TMEM101: variants seen among roughly 807,000 people sequenced by gnomAD.
TMEM101 encodes the protein transmembrane protein 101.
In TMEM101, 14 loss-of-function variants were observed where a neutral mutation model predicts 26.0. The observed-to-expected ratio is 0.54, with a 90% CI of 0.36 to 0.84. The LOEUF is 0.84. Ranked by LOEUF, TMEM101 falls within the 40% of genes least tolerant of loss-of-function variation. The probability of loss-of-function intolerance (pLI) is 0.01; values close to 1 mark genes in which losing one functional copy is unlikely to be tolerated. For synonymous variants in TMEM101, 152 were observed against 145.1 expected (o/e 1.05, Z -0.34); for missense variants, 292 against 345.1 (o/e 0.85, Z 1.22).
At chr17:44,016,963 T>C (rs925022323), upstream of TMEM101, among the ~76,000 whole-genome samples, 8 of 151,664 alleles carry the variant, frequency 5.3e-5, no homozygotes, top group Admixed American at 1.3e-4. Flanking sequence ...TGAAACCCCG[T>C]CTCTACTAAA....
rs1275022859 is a variant in TMEM101, at chr17:44,013,111, A to C, written c.363T>G (p.Leu121=). ...SRTVAIIGGF[L]VLASGAGELY... ...GCTCCCCAGCACCGCTGGCCAACACAAGAAAGCCGCCGATGATGGCAACTG... is the reference window on the plus strand; with the variant it reads ...GCTCCCCAGCACCGCTGGCCAACACCAGAAAGCCGCCGATGATGGCAACTG... Residue 121 remains leucine (L), a synonymous_variant, in exon 3 of 4, where the codon CTT becomes CTG. Transcript: ENST00000206380. 3.7e-6 allele frequency: 6 copies of C among 1,607,150 alleles called. No homozygotes were observed. In the African/African-American group the frequency reaches 8.0e-5, roughly 21 times the overall value.
upstream of TMEM101, among the ~76,000 whole-genome samples, chr17:44,016,429 C>T (rs921491918): frequency 2.6e-5 from 4 of 152,156 alleles, no homozygotes. Context: ...CCTTGGCCTC[C>T]CAAAGCGCTA....
chr17:44,021,720 C>T (rs1184562828), intron 1 of TMEM101, among the ~76,000 whole-genome samples: 2 of 152,320 alleles, frequency 1.3e-5, no homozygotes, highest in East Asian at 3.9e-4. Flanking sequence ...TCATCAGAAC[C>T]GGTGAGTTTT....
At chr17:44,019,653 G>C (rs770184635), upstream of TMEM101, among the ~76,000 whole-genome samples, 15 of 152,284 alleles carry the variant, frequency 9.9e-5, no homozygotes, top group Middle Eastern at 3.4e-3. Flanking sequence ...GGTGACCATT[G>C]TTTGTGTCCA....
At chr17:44,012,429 T>C (rs986179804) in intron 3 of TMEM101, 193 bp from the exon 4 acceptor site, 12 of 599,108 alleles carry the variant, frequency 2.0e-5, no homozygotes, top group Non-Finnish European at 3.2e-5. Flanking sequence ...TTAGGGCCCA[T>C]GTCTCCCCTC....
intron 2 of TMEM101, 63 bp downstream of exon 2, chr17:44,014,294 G>T: frequency 6.6e-7 from 1 of 1,511,284 alleles, no homozygotes. Flanking sequence ...CAACAGCCCT[G>T]GGCATTGGCC....
In TMEM101 at chr17:44,014,890, C is replaced by A. The variant is rs377249486; in HGVS notation, c.63G>T (p.Val21=). The change falls in exon 1 of 4, where the codon GTG becomes GTT. Residue 21 remains valine (V), a synonymous_variant. Coordinates refer to ENST00000206380, the MANE Select transcript of TMEM101 (RefSeq NM_032376.4). ...CCCAAAAGGGGCAGCGTGTGAGCAG[C>A]ACCGAACCCAACTGCATGATCAGCT... ...MLQLIMQLGS[V]LLTRCPFWGC... The A allele has an allele frequency of 3.7e-6, 6 of 1,614,110 alleles. No individual in the cohort carries two copies. The South Asian group carries it at 6.6e-5, about 18-fold the overall frequency.
chr17:44,011,742 C>T lies in TMEM101; in HGVS notation c.*186G>A, dbSNP rs2049159790. On this transcript the variant is annotated 3_prime_UTR_variant, in exon 4 of 4. Coordinates refer to ENST00000206380, the MANE Select transcript of TMEM101 (RefSeq NM_032376.4). ...ATTAGTGCCAGGGCTCCTGCCCTCC[C>T]AAGCGCTGAGCCCAGAAATTTGGAC... The T allele has an allele frequency of 1.5e-6, 1 of 650,380 alleles. No homozygotes were observed. The allele number at this position is 650,380 out of a possible 1,614,324, so 40.3% of individuals were successfully genotyped here.
chr17:44,011,573 C>T lies in TMEM101; in HGVS notation c.*355G>A. On this transcript the variant is annotated 3_prime_UTR_variant, in exon 4 of 4. Transcript: ENST00000206380. Reference sequence around the variant, plus strand: ...AGGAATTTTTCACATTTGCTCACTTCCAATCTCCATCTTCCTTCCTCTGTC... The same window carrying T: ...AGGAATTTTTCACATTTGCTCACTTTCAATCTCCATCTTCCTTCCTCTGTC... The T allele has an allele frequency of 3.4e-6, 1 of 291,402 alleles. No homozygotes were observed. Among genetic ancestry groups the T allele is most frequent in the South Asian group, 4.5e-5 (1 of 22,256 alleles). 18.1% of individuals were successfully genotyped at this position (291,402 alleles called of 1,614,324 possible). A position where few individuals can be genotyped will look rare whatever the true frequency, so the allele number is the denominator to read the frequency against.
At chr17:44,016,486 G>A (rs1055143801), upstream of TMEM101, among the ~76,000 whole-genome samples, 1 of 152,096 alleles carries the variant, frequency 6.6e-6, no homozygotes, top group Non-Finnish European at 1.5e-5. Flanking sequence ...ATTTGTGATT[G>A]TTTTATTGAC....
chr17:44,011,939 T>C lies in TMEM101; in HGVS notation c.763A>G (p.Thr255Ala), dbSNP rs777510963. ...TCTTGCCATAAAACTCAGCCATCAG[T>C]GGCCAGGATGACAGCAGTTCCGAAG... ...GIFGTAVILA[T>A]DG Residue 255 changes from threonine (T) to alanine (A), a missense_variant, in exon 4 of 4, where the codon ACT becomes GCT. This residue lies in a region of TMEM101 where 149 missense variants were observed against 211.9 expected (regional missense o/e 0.70). Transcript: ENST00000206380. 5 of 1,606,680 alleles carry C rather than the reference T, an allele frequency of 3.1e-6. No homozygotes were observed. Among genetic ancestry groups the C allele is most frequent in the South Asian group, 1.1e-5 (1 of 90,694 alleles).
At chr17:44,015,384 T>TG (rs1491140454), upstream of TMEM101, among the ~76,000 whole-genome samples, 1 of 69,580 alleles carries the variant, frequency 1.4e-5, no homozygotes, top group African/African-American at 3.0e-5. Context: ...ACTTTTTTTT[T>TG]CTTTTTTTTT....
chr17:44,014,882 G>C lies in TMEM101; in HGVS notation c.71C>G (p.Thr24Arg). 5 of 1,614,038 alleles carry C rather than the reference G, an allele frequency of 3.1e-6. No individual in the cohort carries two copies. The highest frequency in any genetic ancestry group is 4.2e-6 in the Non-Finnish European group (5 of 1,179,920). ...LIMQLGSVLLTRCPFWGCFSQ... is the reference protein window; with the variant it reads ...LIMQLGSVLLRRCPFWGCFSQ... The stretch of plus-strand genomic sequence containing the variant: ...GAAGCAGCCCCAAAAGGGGCAGCGT[G>C]TGAGCAGCACCGAACCCAACTGCAT... Residue 24 changes from threonine (T) to arginine (R), a missense_variant, in exon 1 of 4, where the codon ACA (threonine) becomes AGA (arginine). Thr to Arg is a moderately conservative substitution (Grantham distance 71). Coordinates refer to ENST00000206380, the MANE Select transcript of TMEM101 (RefSeq NM_032376.4).
At chr17:44,016,318 G>A (rs1472413164), upstream of TMEM101, among the ~76,000 whole-genome samples, 1 of 151,870 alleles carries the variant, frequency 6.6e-6, no homozygotes. Flanking sequence ...GATTACTGGC[G>A]CTTGCCACCA....
chr17:44,014,742 C>G, intron 1 of TMEM101, 74 bp downstream of exon 1: 1 of 1,515,274 alleles, frequency 6.6e-7, no homozygotes, highest in Non-Finnish European at 8.8e-7. Context: ...TCAAGGGTCC[C>G]GACTTCTAGC....
upstream of TMEM101, among the ~76,000 whole-genome samples, chr17:44,016,460 C>T (rs1037104541): frequency 2.0e-5 from 3 of 152,170 alleles, no homozygotes; most frequent in African/African-American, 7.2e-5. Flanking sequence ...CGTGAGACAC[C>T]GCACCCAGCC....
At chr17:44,012,963 G>A in intron 3 of TMEM101, 46 bp downstream of exon 3, 1 of 1,504,586 alleles carries the variant, frequency 6.6e-7, no homozygotes, top group Non-Finnish European at 9.0e-7. Context: ...TAGACTCACA[G>A]TTCACTCCCA....
intron 2 of TMEM101, among the ~76,000 whole-genome samples, 165 bp from the exon 3 acceptor site, chr17:44,013,320 T>C (rs575603414): frequency 1.3e-5 from 2 of 152,106 alleles, no homozygotes; most frequent in South Asian, 4.2e-4. Flanking sequence ...ATCATTCTTT[T>C]TATATATATA....
At chr17:44,013,259 G>A in intron 2 of TMEM101, 104 bp from the exon 3 acceptor site, 2 of 1,165,492 alleles carry the variant, frequency 1.7e-6, no homozygotes, top group Non-Finnish European at 2.2e-6. Context: ...CATTCCATCT[G>A]ATGAACCCTC....
Sources: gnomAD v4.1 joint callset for allele counts (sites outside exome capture counted in the v4.1 genomes callset) on GRCh38, gnomAD v4.1.1 for gene constraint, gnomAD v4.1.1 regional missense constraint, MANE v1.5 for transcripts, NCBI Gene and HGNC (gene_info 2026-07-23, HGNC 2026-07-21) for gene names.